PRSS23: variants seen among roughly 807,000 people sequenced by gnomAD.
PRSS23 encodes protease, serine 23.
Under a neutral mutation model 34.7 loss-of-function variants are expected in PRSS23, and 25 were observed. The observed-to-expected ratio is 0.72, with a 90% confidence interval of 0.53 to 1.01. PRSS23 has a LOEUF of 1.01. PRSS23 is among the 50% of genes least tolerant of loss of function. The pLI is 0.00. For synonymous variants in PRSS23, 176 were observed against 186.6 expected (o/e 0.94, Z 0.46); for missense variants, 445 against 475.6 (o/e 0.94, Z 0.60).
intron 2 of PRSS23, chr11:86,911,137 A>G (rs1173911087): frequency 6.6e-6 from 1 of 152,136 alleles, no homozygotes; most frequent in African/African-American, 2.4e-5. Flanking sequence ...CCTGCCCCCA[A>G]GTAGGTGACT....
Position 86,832,665 on chromosome 11 carries a change from C to T in PRSS23, c.206+9072C>T, listed in dbSNP as rs192394353. 5.6e-4 allele frequency: 233 copies of T among 412,406 alleles called. 1 individual carries two copies. Among genetic ancestry groups the T allele is most frequent in the African/African-American group, 4.5e-3 (219 of 48,374 alleles). The allele number at this position is 412,406 out of a possible 1,614,324, so 25.5% of individuals were successfully genotyped here. On this transcript the variant is annotated intron_variant, in intron 2 of 2. Coordinates refer to the PRSS23 transcript ENST00000533902. The stretch of plus-strand genomic sequence containing the variant: ...GCACCCTTTCTGGGGGAAGATGACA[C>T]ATCTGAACTCAGGTACCCCCCAACG...
intron 2 of PRSS23, among the ~76,000 whole-genome samples, chr11:86,920,145 G>A (rs1949038541): frequency 6.6e-6 from 1 of 152,198 alleles, no homozygotes; most frequent in Non-Finnish European, 1.5e-5. Flanking sequence ...CAAGGAGCAA[G>A]ACTGAAGATT....
rs376501823 is a variant in PRSS23 at position 86,807,761 on chromosome 11, G to A, written c.118G>A (p.Val40Ile). The A allele has an allele frequency of 1.2e-5, 20 of 1,613,946 alleles. No homozygotes were observed. Among genetic ancestry groups the A allele is most frequent in the Middle Eastern group, 1.6e-4 (1 of 6,084 alleles). ...TTGGCCTGCATACCGCCTCCCTGTCGTCTTGCCCCAGTCTACCCTCAATTT... is the reference window on the plus strand; with the variant it reads ...TTGGCCTGCATACCGCCTCCCTGTCATCTTGCCCCAGTCTACCCTCAATTT... Reference protein sequence around the residue: ...PTWPAYRLPVVLPQSTLNLAK... With the variant: ...PTWPAYRLPVILPQSTLNLAK... Residue 40 changes from valine (V) to isoleucine (I), a missense_variant, in exon 2 of 2, where the codon GTC becomes ATC. Val to Ile is a conservative substitution (Grantham distance 29). Coordinates refer to ENST00000280258, the MANE Select transcript of PRSS23 (RefSeq NM_007173.6).
chr11:86,834,322 T>G (rs1948385414), intron 2 of PRSS23, among the ~76,000 whole-genome samples: 1 of 152,166 alleles, frequency 6.6e-6, no homozygotes, highest in African/African-American at 2.4e-5. Flanking sequence ...CGGTGGCTAG[T>G]CATCCTGAGG....
At chr11:86,823,931 G>A (rs567272787) in intron 2 of PRSS23, among the ~76,000 whole-genome samples, 8 of 137,452 alleles carry the variant, frequency 5.8e-5, no homozygotes, top group Admixed American at 2.2e-4. Flanking sequence ...GCGTGAACCC[G>A]GGAGGTGGAG....
chr11:86,836,674 C>T (rs1329365811), intron 2 of PRSS23: 1 of 152,098 alleles, frequency 6.6e-6, no homozygotes, highest in East Asian at 1.9e-4. Flanking sequence ...ATCTGGAGGA[C>T]AGTTGTCCAG....
intron 2 of PRSS23, among the ~76,000 whole-genome samples, chr11:86,870,116 C>T (rs557144397): frequency 2.0e-5 from 3 of 152,162 alleles, no homozygotes; most frequent in South Asian, 4.2e-4. Context: ...TTCCCCAAAT[C>T]GTTTTCACAG....
chr11:86,821,252 G>A, intron 1 of PRSS23: 1 of 515,498 alleles, frequency 1.9e-6, no homozygotes, highest in Non-Finnish European at 3.3e-6. Flanking sequence ...CACAAATTTA[G>A]TAATCCGATG....
downstream of PRSS23, among the ~76,000 whole-genome samples, chr11:86,812,787 CAAAAAAAA>C (rs35855610): frequency 2.4e-5 from 2 of 83,922 alleles, no homozygotes; most frequent in Non-Finnish European, 5.1e-5. Context: ...GACTCTGTCT[CAAAAAAAA>C]AAAAAAAAAG....
chr11:86,796,892 C>A (rs909051096), upstream of PRSS23, among the ~76,000 whole-genome samples: 2 of 152,202 alleles, frequency 1.3e-5, no homozygotes, highest in Non-Finnish European at 2.9e-5. Context: ...TACCTCAAAG[C>A]TTTCAGCACC....
At chr11:86,894,257 G>A (rs1948860740) in intron 2 of PRSS23, among the ~76,000 whole-genome samples, 2 of 152,118 alleles carry the variant, frequency 1.3e-5, no homozygotes, top group Non-Finnish European at 1.5e-5. Context: ...TGATCTGCCC[G>A]CCTTGGCCTC....
intron 2 of PRSS23, among the ~76,000 whole-genome samples, chr11:86,855,880 A>G (rs1948566921): frequency 6.6e-6 from 1 of 152,232 alleles, no homozygotes; most frequent in African/African-American, 2.4e-5. Context: ...TTCACTTAAT[A>G]TACTGACCTG....
chr11:86,857,182 GC>G, intron 2 of PRSS23: 1 of 345,284 alleles, frequency 2.9e-6, no homozygotes. Flanking sequence ...CATCACTGAT[GC>G]CACCACTCCA....
chr11:86,913,487 C>T (rs1029272584), intron 2 of PRSS23, among the ~76,000 whole-genome samples: 1 of 149,830 alleles, frequency 6.7e-6, no homozygotes, highest in African/African-American at 2.5e-5. Flanking sequence ...GAAGTGGAAA[C>T]TCAGATTTCC....
At chr11:86,825,621 G>A (rs1197637070) in intron 2 of PRSS23, among the ~76,000 whole-genome samples, 12 of 151,384 alleles carry the variant, frequency 7.9e-5, no homozygotes, top group Non-Finnish European at 1.5e-4. Flanking sequence ...TAGGTCTAAC[G>A]TTTAAGTCTT....
At chr11:86,917,569 T>C (rs1444026147) in intron 2 of PRSS23, among the ~76,000 whole-genome samples, 1 of 152,248 alleles carries the variant, frequency 6.6e-6, no homozygotes, top group Non-Finnish European at 1.5e-5. Flanking sequence ...GTGTCCTAAC[T>C]CTTTTCTTGC....
At chr11:86,950,223 TATATTA>T (rs1949278228) in intron 2 of PRSS23, 1 of 152,550 alleles carries the variant, frequency 6.6e-6, no homozygotes, top group African/African-American at 2.4e-5. Context: ...ACAAGTAAAA[TATATTA>T]AGTCCCCACT....
chr11:86,851,135 C>G (rs1345657606), intron 2 of PRSS23, among the ~76,000 whole-genome samples: 1 of 152,190 alleles, frequency 6.6e-6, no homozygotes, highest in South Asian at 2.1e-4. Flanking sequence ...AAGTCCCAGG[C>G]ACTGAACTTC....
chr11:86,865,903 C>G (rs985949390), intron 2 of PRSS23, among the ~76,000 whole-genome samples: 8 of 152,208 alleles, frequency 5.3e-5, no homozygotes, highest in Non-Finnish European at 7.3e-5. Context: ...GCAAATGCTT[C>G]TCACAGAAGT....
Sources: allele counts gnomAD v4.1 joint callset (sites outside exome capture counted in the v4.1 genomes callset), GRCh38; gene constraint gnomAD v4.1.1; transcripts MANE v1.5; gene names NCBI Gene and HGNC (gene_info 2026-07-23, HGNC 2026-07-21).